Variants in IMMP2L observed in about 807,000 individuals in gnomAD.
IMMP2L encodes the protein inner mitochondrial membrane peptidase subunit 2.
IMMP2L carries 18 observed loss-of-function variants against 19.3 expected under a neutral mutation model. That is an observed-to-expected ratio of 0.93 (90% CI 0.64 to 1.38). The LOEUF (loss-of-function observed/expected upper bound fraction) is 1.38. Ranked by LOEUF, IMMP2L falls within the 40% of genes most tolerant of loss-of-function variation. The pLI, the probability that IMMP2L is intolerant of heterozygous loss-of-function variation, is 0.00. For missense variants in IMMP2L, 233 were observed against 218.2 expected (o/e 1.07, Z -0.43); for synonymous variants, 76 against 73.0 (o/e 1.04, Z -0.21).
At chr7:111,130,409 T>G (rs1801735480) in intron 3 of IMMP2L, among the ~76,000 whole-genome samples, 1 of 152,116 alleles carries the variant, frequency 6.6e-6, no homozygotes, top group African/African-American at 2.4e-5. Context: ...CTTTGTGTGT[T>G]TATATTTACC....
intron 2 of IMMP2L, among the ~76,000 whole-genome samples, chr7:111,496,730 T>TTG (rs1288562581): frequency 6.6e-6 from 1 of 152,186 alleles, no homozygotes; most frequent in Non-Finnish European, 1.5e-5. Flanking sequence ...GCCCTTGGCC[T>TTG]TGGACTGAGA....
chr7:111,204,748 T>C (rs1423030759), intron 3 of IMMP2L, among the ~76,000 whole-genome samples: 3 of 152,164 alleles, frequency 2.0e-5, no homozygotes, highest in Non-Finnish European at 4.4e-5. Flanking sequence ...CATTTAAAGA[T>C]AAAGAAGCTA....
At chr7:110,704,078 A>C (rs941223145) in intron 5 of IMMP2L, among the ~76,000 whole-genome samples, 2 of 152,078 alleles carry the variant, frequency 1.3e-5, no homozygotes, top group African/African-American at 4.8e-5. Flanking sequence ...TGATCTCCTG[A>C]CCTCATGATC....
chr7:110,883,042 C>T (rs1490757447), intron 5 of IMMP2L, among the ~76,000 whole-genome samples: 1 of 152,048 alleles, frequency 6.6e-6, no homozygotes, highest in East Asian at 1.9e-4. Context: ...ATAAAGTTTA[C>T]TTTTTCTCCT....
chr7:110,953,303 C>T (rs924999539), intron 4 of IMMP2L, among the ~76,000 whole-genome samples: 2 of 152,010 alleles, frequency 1.3e-5, no homozygotes, highest in Non-Finnish European at 2.9e-5. Flanking sequence ...TCTCCTAGTG[C>T]TGTCCCTCTC....
intron 3 of IMMP2L, among the ~76,000 whole-genome samples, chr7:111,263,035 A>T (rs1368469326): frequency 6.6e-6 from 1 of 152,158 alleles, no homozygotes; most frequent in Non-Finnish European, 1.5e-5. Flanking sequence ...CATAAAAAAA[A>T]TGATTTCAGA....
At position 111,142,040 on chromosome 7, in the gene IMMP2L, A is replaced by G. The variant is rs151048373; in HGVS notation, c.240-178475T>C. On this transcript the variant is annotated intron_variant, in intron 3 of 5. Transcript: ENST00000405709. The stretch of plus-strand genomic sequence containing the variant: ...ATTTTGCATACATGAAAATCTGAAC[A>G]CAGGGTCAGGCACGGTGGCTCATGC... 9.9e-5 allele frequency among the ~76,000 whole-genome samples: 15 copies of G among 152,246 alleles called. No individual in the cohort carries two copies. The East Asian group carries it at 2.9e-3, about 29-fold the overall frequency.
chr7:111,051,040 A>G (rs1792955938), intron 3 of IMMP2L, among the ~76,000 whole-genome samples: 1 of 152,146 alleles, frequency 6.6e-6, no homozygotes, highest in East Asian at 1.9e-4. Context: ...GATGTGGTTT[A>G]AGTTTTCTTA....
chr7:110,726,613 G>A (rs1795900565), intron 5 of IMMP2L, among the ~76,000 whole-genome samples: 1 of 152,194 alleles, frequency 6.6e-6, no homozygotes, highest in African/African-American at 2.4e-5. Flanking sequence ...TTGATAAGCT[G>A]TGATTTTTGC....
intron 3 of IMMP2L, among the ~76,000 whole-genome samples, chr7:111,445,875 C>A (rs1004923910): frequency 6.6e-6 from 1 of 152,038 alleles, no homozygotes; most frequent in Non-Finnish European, 1.5e-5. Flanking sequence ...CGAAGCAGGG[C>A]GAGGCATTGC....
chr7:111,131,340 G>A (rs1030057597), intron 3 of IMMP2L, among the ~76,000 whole-genome samples: 1 of 152,044 alleles, frequency 6.6e-6, no homozygotes, highest in African/African-American at 2.4e-5. Flanking sequence ...ACAGTGCAAC[G>A]CTTGAGATAT....
chr7:111,392,337 C>T (rs59308121), intron 3 of IMMP2L, among the ~76,000 whole-genome samples: 1 of 152,090 alleles, frequency 6.6e-6, no homozygotes, highest in South Asian at 2.1e-4. Flanking sequence ...AATTTCCTGC[C>T]CAGGGCCAAG....
At chr7:111,075,014 G>GA (rs1795268346) in intron 3 of IMMP2L, among the ~76,000 whole-genome samples, 1 of 151,702 alleles carries the variant, frequency 6.6e-6, no homozygotes, top group South Asian at 2.1e-4. Context: ...TGGGAAGCAA[G>GA]AAAGTGGAGA....
At chr7:111,397,484 G>C (rs1011150263) in intron 3 of IMMP2L, among the ~76,000 whole-genome samples, 1 of 152,060 alleles carries the variant, frequency 6.6e-6, no homozygotes, top group African/African-American at 2.4e-5. Context: ...AAAGTACCAA[G>C]TAAAGACATG....
intron 3 of IMMP2L, among the ~76,000 whole-genome samples, chr7:111,144,604 G>C (rs999466912): frequency 6.6e-6 from 1 of 151,960 alleles, no homozygotes; most frequent in African/African-American, 2.4e-5. Context: ...GCTTATTTAA[G>C]AGTTGCTGAG....
At chr7:111,422,883 A>G (rs1410566201) in intron 3 of IMMP2L, among the ~76,000 whole-genome samples, 1 of 151,644 alleles carries the variant, frequency 6.6e-6, no homozygotes, top group African/African-American at 2.4e-5. Context: ...TAATTTTGAG[A>G]TATGTTTCAT....
intron 3 of IMMP2L, among the ~76,000 whole-genome samples, chr7:111,045,408 A>G (rs1792301423): frequency 6.6e-6 from 1 of 152,198 alleles, no homozygotes; most frequent in African/African-American, 2.4e-5. Flanking sequence ...TCTCTGCACA[A>G]TTTATTCCCT....
intron 3 of IMMP2L, among the ~76,000 whole-genome samples, chr7:111,386,272 C>T (rs1452402714): frequency 6.6e-6 from 1 of 152,088 alleles, no homozygotes; most frequent in Non-Finnish European, 1.5e-5. Flanking sequence ...CCTTCCTATG[C>T]CCAGTTTTCC....
At chr7:110,838,681 A>T (rs113040720) in intron 5 of IMMP2L, among the ~76,000 whole-genome samples, 8 of 152,166 alleles carry the variant, frequency 5.3e-5, no homozygotes, top group African/African-American at 1.9e-4. Flanking sequence ...TGGCCTTCTC[A>T]GCCTTCATAA....
Sources: gnomAD v4.1 joint callset for allele counts (sites outside exome capture counted in the v4.1 genomes callset) on GRCh38, gnomAD v4.1.1 for gene constraint, MANE v1.5 for transcripts, NCBI Gene and HGNC (gene_info 2026-07-23, HGNC 2026-07-21) for gene names.